SEMA3A: variants seen among roughly 807,000 people sequenced by gnomAD.
The protein encoded by SEMA3A is semaphorin-3A.
Under a neutral mutation model 97.9 loss-of-function variants are expected in SEMA3A, and 29 were observed. The ratio of observed to expected loss-of-function variants is 0.30; its 90% CI spans 0.22 to 0.40. SEMA3A has a LOEUF of 0.40. SEMA3A is among the 10% of genes least tolerant of loss of function. The pLI, the probability that SEMA3A is intolerant of heterozygous loss-of-function variation, is 1.00. For missense variants in SEMA3A, 763 were observed against 951.3 expected (o/e 0.80, Z 2.60); for synonymous variants, 321 against 323.7 (o/e 0.99, Z 0.09).
At chr7:84,382,373 C>A (rs761816645) in intron 1 of SEMA3A, among the ~76,000 whole-genome samples, 21 of 151,600 alleles carry the variant, frequency 1.4e-4, no homozygotes, top group Non-Finnish European at 3.1e-4. Context: ...TCCCAAACTA[C>A]TGGGGTTACA....
chr7:84,208,249 G>A lies in SEMA3A; in HGVS notation c.-82-13581C>T, dbSNP rs567523989. On this transcript the variant is annotated intron_variant, in intron 3 of 3. Transcript: ENST00000424555. ...GGGCAGATCGTGAGGTCAGGAGATC[G>A]AGACCATCCTGGCTAACATGGTGAA... Among the ~76,000 whole-genome samples the A allele has an allele frequency of 1.4e-3, 207 of 152,120 alleles. 1 individual carries two copies. The highest frequency in any genetic ancestry group is 4.6e-3 in the African/African-American group (190 of 41,508).
chr7:84,062,121 C>T (rs951825209), intron 4 of SEMA3A, among the ~76,000 whole-genome samples: 5 of 152,042 alleles, frequency 3.3e-5, no homozygotes, highest in Non-Finnish European at 7.4e-5. Flanking sequence ...TTTAAAAATG[C>T]TATTTATATT....
At chr7:84,047,883 C>T (rs1202900261) in intron 5 of SEMA3A, among the ~76,000 whole-genome samples, 6 of 151,852 alleles carry the variant, frequency 4.0e-5, no homozygotes, top group Admixed American at 3.9e-4. Flanking sequence ...GTGGCCCACA[C>T]CAAAGCAATT....
intron 4 of SEMA3A, among the ~76,000 whole-genome samples, chr7:84,089,154 G>C (rs931158762): frequency 6.6e-6 from 1 of 152,026 alleles, no homozygotes; most frequent in African/African-American, 2.4e-5. Context: ...TATTGTCAGA[G>C]GAGTAGTGCA....
In SEMA3A at chr7:83,978,218, G is replaced by C. The variant is rs77557003; in HGVS notation, c.1653-1022C>G. On this transcript the variant is annotated intron_variant, in intron 14 of 16. Transcript: ENST00000265362. ...AATAAATGTTGAACTTAAGGGCAAG[G>C]CCTCCTCTTGCCAGAGGAATGAGAG... is the stretch of plus-strand genomic sequence containing the variant. 9.1e-4 allele frequency among the ~76,000 whole-genome samples: 138 copies of C among 152,234 alleles called. 3 individuals are homozygous for C. In the East Asian group the frequency reaches 0.016, roughly 17 times the overall value.
At chr7:84,461,784 T>G (rs950801319) in intron 1 of SEMA3A, among the ~76,000 whole-genome samples, 1 of 152,204 alleles carries the variant, frequency 6.6e-6, no homozygotes, top group African/African-American at 2.4e-5. Flanking sequence ...GAAAGTGGAT[T>G]TGTTTCATGC....
chr7:84,139,866 C>T (rs546055457), intron 1 of SEMA3A, among the ~76,000 whole-genome samples: 2 of 151,874 alleles, frequency 1.3e-5, no homozygotes, highest in East Asian at 3.9e-4. Flanking sequence ...ACCAGTTAAT[C>T]GTGGGAGAAA....
chr7:84,171,507 T>G (rs2116204963), intron 1 of SEMA3A, among the ~76,000 whole-genome samples: 1 of 152,210 alleles, frequency 6.6e-6, no homozygotes, highest in African/African-American at 2.4e-5. Flanking sequence ...TACCTTCAAA[T>G]AAACAAAAAT....
chr7:84,230,329 A>G (rs973105354), intron 3 of SEMA3A, among the ~76,000 whole-genome samples: 4 of 151,964 alleles, frequency 2.6e-5, no homozygotes, highest in African/African-American at 7.2e-5. Context: ...ACTATGGCGT[A>G]TATTCTGATA....
chr7:84,221,737 T>G (rs555443158), intron 3 of SEMA3A, among the ~76,000 whole-genome samples: 101 of 152,118 alleles, frequency 6.6e-4, no homozygotes, highest in African/African-American at 2.2e-3. Context: ...TACATAGGCA[T>G]AGTTTATGGC....
At chr7:84,185,692 G>GAAAAAAAAAAAAAAAAAAAAGA (rs1797858831) in intron 1 of SEMA3A, among the ~76,000 whole-genome samples, 1 of 78,132 alleles carries the variant, frequency 1.3e-5, no homozygotes, top group Non-Finnish European at 2.3e-5. Context: ...ACTCTGGCAG[G>GAAAAAAAAAAAAAAAAAAAAGA]AAAAAAAAAA....
intron 13 of SEMA3A, among the ~76,000 whole-genome samples, chr7:83,984,708 A>C: frequency 6.8e-6 from 1 of 148,148 alleles, no homozygotes; most frequent in African/African-American, 2.5e-5. Context: ...TTAAAACTAT[A>C]TTTGTTTACA....
intron 3 of SEMA3A, among the ~76,000 whole-genome samples, chr7:84,120,408 T>C (rs754084940): frequency 2.0e-5 from 3 of 152,170 alleles, no homozygotes; most frequent in Non-Finnish European, 2.9e-5. Context: ...CGAGTTAACA[T>C]ACAAAATGCA....
intron 2 of SEMA3A, among the ~76,000 whole-genome samples, chr7:84,133,694 T>TA (rs1464692894): frequency 1.3e-5 from 2 of 151,138 alleles, no homozygotes; most frequent in Non-Finnish European, 2.9e-5. Context: ...ACACAACACA[T>TA]ATAGACTTAG....
At chr7:84,238,003 A>G (rs1472578714) in intron 3 of SEMA3A, among the ~76,000 whole-genome samples, 1 of 152,146 alleles carries the variant, frequency 6.6e-6, no homozygotes, top group African/African-American at 2.4e-5. Flanking sequence ...GGAAGTACTA[A>G]GGAAGCCAGA....
intron 1 of SEMA3A, among the ~76,000 whole-genome samples, chr7:84,433,884 G>A (rs1001114245): frequency 2.0e-5 from 3 of 152,094 alleles, no homozygotes; most frequent in Admixed American, 2.0e-4. Context: ...CTTTTGAGAA[G>A]TGTCTGTTCA....
intron 2 of SEMA3A, among the ~76,000 whole-genome samples, chr7:84,323,056 AC>A (rs1445646511): frequency 6.6e-6 from 1 of 152,170 alleles, no homozygotes; most frequent in Admixed American, 6.5e-5. Context: ...ATAATAGTAT[AC>A]CCTTTGTCAG....
intron 6 of SEMA3A, among the ~76,000 whole-genome samples, chr7:84,019,381 TAAAAAGAAAAAA>T (rs998065979): frequency 3.8e-5 from 5 of 130,282 alleles, no homozygotes; most frequent in African/African-American, 1.1e-4. Context: ...GTGTACAGAG[TAAAAAGAAAAAA>T]AAAAAGAGAA....
At chr7:84,356,334 T>A (rs1802560706) in intron 2 of SEMA3A, among the ~76,000 whole-genome samples, 1 of 151,848 alleles carries the variant, frequency 6.6e-6, no homozygotes, top group East Asian at 1.9e-4. Context: ...AAATTAATTT[T>A]ACTTTTTTTA....
Sources: gnomAD v4.1 joint callset for allele counts (sites outside exome capture counted in the v4.1 genomes callset) on GRCh38, gnomAD v4.1.1 for gene constraint, MANE v1.5 for transcripts, NCBI Gene and HGNC (gene_info 2026-07-23, HGNC 2026-07-21) for gene names.